SYT13: variants seen among roughly 807,000 people sequenced by gnomAD.
SYT13 encodes synaptotagmin-13.
A neutral mutation model predicts 38.6 loss-of-function variants in SYT13; 21 were observed. That is an observed-to-expected ratio of 0.54 (90% CI 0.39 to 0.78). SYT13 has a LOEUF of 0.78. SYT13 is among the 30% of genes least tolerant of loss of function. The pLI is 0.00. For missense variants in SYT13, 495 were observed against 548.7 expected (o/e 0.90, Z 0.98); for synonymous variants, 241 against 237.6 (o/e 1.01, Z -0.13).
chr11:45,279,655 T>C (rs993997590), intron 1 of SYT13, among the ~76,000 whole-genome samples: 2 of 152,244 alleles, frequency 1.3e-5, no homozygotes, highest in Non-Finnish European at 2.9e-5. Context: ...TTGATAAATG[T>C]TAGCTATTCT....
intron 2 of SYT13, chr11:45,254,645 A>G (rs926045241): frequency 3.3e-5 from 14 of 425,386 alleles, no homozygotes; most frequent in African/African-American, 1.0e-4. Context: ...CTACACAACA[A>G]TCTACTCTCC....
At chr11:45,275,803 G>C (rs1245904986) in intron 1 of SYT13, among the ~76,000 whole-genome samples, 1 of 118,166 alleles carries the variant, frequency 8.5e-6, no homozygotes, top group Non-Finnish European at 2.2e-5. Flanking sequence ...CAGGGCCTGG[G>C]TATTGGGGGG....
intron 1 of SYT13, among the ~76,000 whole-genome samples, chr11:45,283,110 T>C (rs887568181): frequency 2.6e-5 from 4 of 152,210 alleles, no homozygotes; most frequent in East Asian, 3.8e-4. Flanking sequence ...ATCACACCAC[T>C]GCACTCCAGC....
chr11:45,246,291 ACCTGTGACCATTT>A, intron 5 of SYT13, 79 bp downstream of exon 5: 1 of 1,538,332 alleles, frequency 6.5e-7, no homozygotes, highest in Non-Finnish European at 8.8e-7. Flanking sequence ...CTCCCTGCTT[ACCTGTGACCATTT>A]CCTCCCAGGC....
At chr11:45,281,638 T>C (rs1413860932) in intron 1 of SYT13, among the ~76,000 whole-genome samples, 1 of 145,760 alleles carries the variant, frequency 6.9e-6, no homozygotes, top group Admixed American at 7.0e-5. Flanking sequence ...CTGTACTCCA[T>C]CCTGGGCGAC....
At position 45,252,369 on chromosome 11, in the gene SYT13, A is replaced by G; in HGVS notation, c.846+52T>C. On this transcript the variant is annotated intron_variant, in intron 4 of 5. Coordinates refer to ENST00000020926, the MANE Select transcript of SYT13 (RefSeq NM_020826.3). The surrounding 1 kb of genome is among the most constrained non-coding windows in gnomAD (Gnocchi z 4.3). ...TGCTGGGAGGACACCAGGTTCTGCC[A>G]TCCCATGCTGCACGGGCAGGTTTTA... 2 of 1,505,766 alleles carry G rather than the reference A, an allele frequency of 1.3e-6. No individual in the cohort carries two copies. The highest frequency in any genetic ancestry group is 1.8e-6 in the Non-Finnish European group (2 of 1,128,232). The allele number at this position is 1,505,766 out of a possible 1,614,324, so 93.3% of individuals were successfully genotyped here.
At chr11:45,273,851 G>A (rs1257263847) in intron 1 of SYT13, among the ~76,000 whole-genome samples, 1 of 152,208 alleles carries the variant, frequency 6.6e-6, no homozygotes, top group Non-Finnish European at 1.5e-5. Context: ...ATGGTGAATA[G>A]ACAAGTCATT....
chr11:45,283,931 A>T (rs1482488049), intron 1 of SYT13, among the ~76,000 whole-genome samples: 7 of 152,252 alleles, frequency 4.6e-5, no homozygotes, highest in Admixed American at 4.6e-4. Flanking sequence ...TAATGTAAAG[A>T]GTGCCATAAA....
chr11:45,254,481 T>G (rs112637468), intron 2 of SYT13, 77 bp from the exon 3 acceptor site: 6 of 1,540,760 alleles, frequency 3.9e-6, no homozygotes, highest in African/African-American at 2.7e-5. Context: ...CTCATCTCTA[T>G]CACCTATGCC....
At chr11:45,278,024 A>T (rs890367902) in intron 1 of SYT13, among the ~76,000 whole-genome samples, 2 of 152,170 alleles carry the variant, frequency 1.3e-5, no homozygotes, top group Admixed American at 6.5e-5. Flanking sequence ...AATAAACACA[A>T]CCAAGGAAGA....
intron 1 of SYT13, among the ~76,000 whole-genome samples, chr11:45,282,417 G>A (rs1018787901): frequency 3.3e-5 from 5 of 152,186 alleles, no homozygotes; most frequent in Non-Finnish European, 5.9e-5. Context: ...ATGAATGGCC[G>A]AGGGCTGCCT....
chr11:45,263,163 A>G (rs2135899177), intron 1 of SYT13, among the ~76,000 whole-genome samples: 3 of 152,326 alleles, frequency 2.0e-5, no homozygotes, highest in Admixed American at 2.0e-4. Context: ...CGGGGGGTGG[A>G]ACCTGAACCT....
At chr11:45,274,395 C>T (rs377408836) in intron 1 of SYT13, among the ~76,000 whole-genome samples, 45 of 152,278 alleles carry the variant, frequency 3.0e-4, no homozygotes, top group South Asian at 8.3e-4. Context: ...AAGTAAGAGA[C>T]GAGATCATTA....
intron 1 of SYT13, among the ~76,000 whole-genome samples, chr11:45,262,312 G>A (rs1257836244): frequency 6.6e-6 from 1 of 152,192 alleles, no homozygotes; most frequent in Non-Finnish European, 1.5e-5. Flanking sequence ...GCCAGAGGCT[G>A]GGGCAGGGGA....
At position 45,241,129 on chromosome 11, in the gene SYT13, T is replaced by C. The variant is rs911147914; in HGVS notation, c.*2923A>G. 4 of 152,246 alleles carry C rather than the reference T, an allele frequency of 2.6e-5. No homozygotes were observed. The highest frequency in any genetic ancestry group is 9.6e-5 in the African/African-American group (4 of 41,466). 9.4% of individuals were successfully genotyped at this position (152,246 alleles called of 1,614,324 possible). ...TGAGTTGCCATTAGGCAAATAGTAA[T>C]ACTCATTGTCATGAATTTCTAGCTT... On this transcript the variant is annotated 3_prime_UTR_variant, in exon 6 of 6. Coordinates refer to ENST00000020926, the MANE Select transcript of SYT13 (RefSeq NM_020826.3).
At chr11:45,247,711 A>G (rs961647824) in intron 4 of SYT13, among the ~76,000 whole-genome samples, 5 of 152,206 alleles carry the variant, frequency 3.3e-5, no homozygotes, top group Non-Finnish European at 7.3e-5. Flanking sequence ...TGTGGCCTCT[A>G]GTGGATTCAT....
At chr11:45,254,136 T>C in intron 3 of SYT13, 134 bp downstream of exon 3, 1 of 988,940 alleles carries the variant, frequency 1.0e-6, no homozygotes, top group Admixed American at 3.6e-5. Context: ...CTAAGCTCCA[T>C]GTGTTCCAGG....
chr11:45,252,448 C>A lies in SYT13; in HGVS notation c.819G>T (p.Gln273His), dbSNP rs748816693. ...DGTSVPLGAAQWGELKTSAKE... is the reference protein window; with the variant it reads ...DGTSVPLGAAHWGELKTSAKE... ...TCGCTGAAGTCTTCAGCTCGCCCCA[C>A]TGGGCAGCCCCTAGAGGCACAGATG... Residue 273 changes from glutamine to histidine, a missense_variant, in exon 4 of 6, where the codon CAG (glutamine) becomes CAT (histidine). Coordinates refer to ENST00000020926, the MANE Select transcript of SYT13 (RefSeq NM_020826.3). The surrounding 1 kb of genome is among the most constrained non-coding windows in gnomAD (Gnocchi z 4.3). 5 of 1,599,608 alleles carry A rather than the reference C, an allele frequency of 3.1e-6. No homozygotes were observed. Among genetic ancestry groups the A allele is most frequent in the East Asian group, 4.5e-5 (2 of 44,532 alleles).
chr11:45,262,010 A>T (rs1443028996), intron 1 of SYT13, among the ~76,000 whole-genome samples: 1 of 152,204 alleles, frequency 6.6e-6, no homozygotes, highest in South Asian at 2.1e-4. Context: ...CTTTGAAGAT[A>T]TTTACACCCA....
Sources: gnomAD v4.1 joint callset for allele counts (sites outside exome capture counted in the v4.1 genomes callset) on GRCh38, gnomAD v4.1.1 for gene constraint, Gnocchi (gnomAD v3.1) non-coding constraint, MANE v1.5 for transcripts, NCBI Gene and HGNC (gene_info 2026-07-23, HGNC 2026-07-21) for gene names.